The following ARMH4 variants were observed in gnomAD, a reference collection of about 807,000 sequenced individuals.
ARMH4 encodes the protein armadillo-like helical domain-containing protein 4.
In ARMH4, 49 loss-of-function variants were observed where a neutral mutation model predicts 61.9. The ratio of observed to expected loss-of-function variants is 0.79; its 90% confidence interval spans 0.63 to 1.00. ARMH4 has a LOEUF of 1.00. ARMH4 is among the 50% of genes least tolerant of loss of function. The pLI is 0.00. For missense variants in ARMH4, 934 were observed against 930.0 expected (o/e 1.00, Z -0.06); for synonymous variants, 368 against 341.5 (o/e 1.08, Z -0.85).
Position 58,004,805 on chromosome 14 carries a change from C to CT in ARMH4, c.2257-2dup, listed in dbSNP as rs1566535159. ...CTTGCATGCTGTTGAATTCTCTCTG[C>CT]TAGAGAAAGAAAACAGAAAAGCATT... On this transcript the variant is annotated splice_acceptor_variant, in intron 7 of 7. Coordinates refer to ENST00000267485, the MANE Select transcript of ARMH4 (RefSeq NM_001001872.4). LOFTEE classifies it high-confidence loss of function. The CT allele has an allele frequency of 6.2e-7, 1 of 1,608,320 alleles. No individual in the cohort carries two copies. Among genetic ancestry groups the CT allele is most frequent in the Non-Finnish European group, 8.5e-7 (1 of 1,175,208 alleles).
At chr14:58,099,008 G>A (rs900198614) in intron 4 of ARMH4, among the ~76,000 whole-genome samples, 1 of 152,160 alleles carries the variant, frequency 6.6e-6, no homozygotes, top group Admixed American at 6.5e-5. Flanking sequence ...TATCGGGGAT[G>A]TAATTTCAAG....
At chr14:58,071,075 T>C (rs774073522) in intron 5 of ARMH4, among the ~76,000 whole-genome samples, 3 of 151,560 alleles carry the variant, frequency 2.0e-5, no homozygotes, top group African/African-American at 4.8e-5. Flanking sequence ...TTTTATAATG[T>C]GAAAAATAAA....
intron 5 of ARMH4, among the ~76,000 whole-genome samples, chr14:58,092,626 C>T (rs1594751939): frequency 6.6e-6 from 1 of 152,094 alleles, no homozygotes; most frequent in Non-Finnish European, 1.5e-5. Context: ...GTTTCCTTGC[C>T]TTTTCCAGCT....
intron 5 of ARMH4, among the ~76,000 whole-genome samples, chr14:58,039,676 G>T (rs79042261): frequency 6.6e-6 from 1 of 152,126 alleles, no homozygotes; most frequent in African/African-American, 2.4e-5. Context: ...CACAAAAACT[G>T]TTTAAACAAT....
intron 5 of ARMH4, among the ~76,000 whole-genome samples, chr14:58,094,329 C>CAAAGAAAAA (rs1734844896): frequency 8.5e-6 from 1 of 117,656 alleles, no homozygotes; most frequent in African/African-American, 3.4e-5. Context: ...GACGCTTTCT[C>CAAAGAAAAA]AAAAAAAAAA....
At chr14:58,007,537 T>C in intron 6 of ARMH4, among the ~76,000 whole-genome samples, 1 of 152,208 alleles carries the variant, frequency 6.6e-6, no homozygotes, top group Non-Finnish European at 1.5e-5. Flanking sequence ...GGCATCTGCC[T>C]TGCTTTGAAA....
At chr14:58,023,971 G>A (rs1391345654) in intron 5 of ARMH4, among the ~76,000 whole-genome samples, 3 of 152,156 alleles carry the variant, frequency 2.0e-5, no homozygotes, top group African/African-American at 7.2e-5. Flanking sequence ...GTAAACAGAT[G>A]TGCTGTCATC....
chr14:58,105,408 G>A (rs138696517), intron 4 of ARMH4, among the ~76,000 whole-genome samples: 59 of 152,298 alleles, frequency 3.9e-4, no homozygotes, highest in African/African-American at 1.3e-3. Flanking sequence ...CAATTGGGCC[G>A]GGCATGGTGG....
Position 58,138,360 on chromosome 14 carries a change from A to G in ARMH4, c.999T>C (p.Asn333=), listed in dbSNP as rs369336278. The change falls in exon 2 of 8, where the codon AAT becomes AAC. Residue 333 remains asparagine, a synonymous_variant. Transcript: ENST00000267485. ...SRIRTPKLGD[N]EETQVRTEMS... is the part of the protein sequence containing the mutation. ...TCTCCGTTCTCACCTGAGTCTCTTC[A>G]TTGTCTCCAAGCTTGGGGGTCCTTA... is the stretch of plus-strand genomic sequence containing the variant. 1.9e-6 allele frequency: 3 copies of G among 1,613,838 alleles called. No individual in the cohort carries two copies. The African/African-American group carries it at 4.0e-5, about 22-fold the overall frequency.
intron 5 of ARMH4, among the ~76,000 whole-genome samples, chr14:58,085,350 T>C (rs1036910987): frequency 6.6e-6 from 1 of 150,730 alleles, no homozygotes; most frequent in Non-Finnish European, 1.5e-5. Context: ...GTTTTCCTAG[T>C]GTTTCTTCTT....
chr14:58,042,422 C>T (rs1031503976), intron 5 of ARMH4, among the ~76,000 whole-genome samples: 28 of 152,078 alleles, frequency 1.8e-4, no homozygotes, highest in Non-Finnish European at 3.4e-4. Context: ...ACACAACATA[C>T]CAGAATCTCT....
chr14:58,119,436 T>C (rs1274629903), intron 4 of ARMH4, among the ~76,000 whole-genome samples: 9 of 152,242 alleles, frequency 5.9e-5, no homozygotes, highest in Admixed American at 5.9e-4. Context: ...TGAAAAATCA[T>C]GCCTTTGAAA....
intron 1 of ARMH4, among the ~76,000 whole-genome samples, chr14:58,144,988 G>C (rs537912650): frequency 6.6e-6 from 1 of 152,178 alleles, no homozygotes; most frequent in Admixed American, 6.5e-5. Context: ...CTATATAGTC[G>C]AACAGTCATA....
At chr14:58,011,196 A>G (rs1882394311) in intron 6 of ARMH4, among the ~76,000 whole-genome samples, 2 of 152,186 alleles carry the variant, frequency 1.3e-5, no homozygotes, top group Admixed American at 1.3e-4. Context: ...TCTGTGCTAA[A>G]TTTTACTGAG....
At chr14:58,011,036 T>C (rs1201831554) in intron 6 of ARMH4, among the ~76,000 whole-genome samples, 11 of 152,148 alleles carry the variant, frequency 7.2e-5, no homozygotes, top group Non-Finnish European at 1.3e-4. Flanking sequence ...CCCAAGTTTT[T>C]CTCAGTCCAT....
chr14:58,024,408 T>A (rs1457356900), intron 5 of ARMH4, among the ~76,000 whole-genome samples: 2 of 152,188 alleles, frequency 1.3e-5, no homozygotes, highest in Non-Finnish European at 2.9e-5. Flanking sequence ...TCTCTCAGCC[T>A]TCATAGAATT....
chr14:58,061,985 A>AC (rs1884546022), intron 5 of ARMH4, among the ~76,000 whole-genome samples: 1 of 151,846 alleles, frequency 6.6e-6, no homozygotes. Flanking sequence ...TTTAAAAAAA[A>AC]AAAAGCAAAC....
At chr14:58,032,155 C>T (rs971804862) in intron 5 of ARMH4, among the ~76,000 whole-genome samples, 2 of 152,150 alleles carry the variant, frequency 1.3e-5, no homozygotes, top group African/African-American at 4.8e-5. Context: ...GGGCCCTACA[C>T]TAGATCTCTC....
At chr14:58,060,805 T>C (rs990441418) in intron 5 of ARMH4, among the ~76,000 whole-genome samples, 1 of 152,168 alleles carries the variant, frequency 6.6e-6, no homozygotes, top group South Asian at 2.1e-4. Flanking sequence ...ACGGTGTATG[T>C]ACAGCAAATG....
Sources: gnomAD v4.1 joint callset for allele counts (sites outside exome capture counted in the v4.1 genomes callset) on GRCh38, gnomAD v4.1.1 for gene constraint, MANE v1.5 for transcripts, NCBI Gene and HGNC (gene_info 2026-07-23, HGNC 2026-07-21) for gene names.